Variants in TRIM37 observed in about 807,000 individuals in gnomAD.
TRIM37 encodes the protein E3 ubiquitin-protein ligase TRIM37.
In TRIM37, 80 loss-of-function variants were observed where a neutral mutation model predicts 129.8. That is an observed-to-expected ratio of 0.62 (90% CI 0.51 to 0.74). The LOEUF (loss-of-function observed/expected upper bound fraction) is 0.74. Among genes scored for constraint, TRIM37 ranks in the 30% least tolerant of loss-of-function variants. TRIM37 has a pLI of 0.00. For missense variants in TRIM37, 1,054 were observed against 1,176.5 expected (o/e 0.90, Z 1.52); for synonymous variants, 389 against 387.1 (o/e 1.00, Z -0.06).
At chr17:59,073,681 C>T (rs2042576723) in intron 8 of TRIM37, among the ~76,000 whole-genome samples, 1 of 152,216 alleles carries the variant, frequency 6.6e-6, no homozygotes. Flanking sequence ...CACACTGAAG[C>T]CTTGAATTCC....
At chr17:59,002,829 C>G (rs950375581) in intron 22 of TRIM37, among the ~76,000 whole-genome samples, 1 of 152,000 alleles carries the variant, frequency 6.6e-6, no homozygotes, top group Admixed American at 6.6e-5. Flanking sequence ...AAAATGAACC[C>G]CCCACAGAAA....
chr17:59,084,889 T>C (rs1329755538), intron 4 of TRIM37, among the ~76,000 whole-genome samples: 1 of 152,182 alleles, frequency 6.6e-6, no homozygotes, highest in African/African-American at 2.4e-5. Context: ...AAACCAACAC[T>C]GCTAGCATTT....
chr17:59,061,998 T>C (rs2041534733), intron 11 of TRIM37, among the ~76,000 whole-genome samples: 1 of 151,982 alleles, frequency 6.6e-6, no homozygotes, highest in Admixed American at 6.6e-5. Context: ...GATGATATAT[T>C]ATTGTGTAAT....
intron 16 of TRIM37, among the ~76,000 whole-genome samples, chr17:59,042,449 A>AAAT (rs1555661494): frequency 1.7e-4 from 6 of 36,036 alleles, no homozygotes; most frequent in Admixed American, 8.4e-4. Context: ...AAAAAAAAAA[A>AAAT]ATATATATAT....
intron 22 of TRIM37, among the ~76,000 whole-genome samples, chr17:59,006,236 G>T (rs994011261): frequency 2.0e-5 from 3 of 152,098 alleles, no homozygotes; most frequent in African/African-American, 7.2e-5. Flanking sequence ...AAAGACAAAT[G>T]GCTGGACGTC....
chr17:59,064,250 AAGTG>A, intron 10 of TRIM37, 101 bp downstream of exon 10: 18 of 857,850 alleles, frequency 2.1e-5, no homozygotes, highest in Non-Finnish European at 3.3e-5. Context: ...AAGACTTCTA[AAGTG>A]AGTGACACAG....
intron 11 of TRIM37, among the ~76,000 whole-genome samples, chr17:59,061,831 G>A (rs1359303697): frequency 2.6e-5 from 4 of 151,932 alleles, no homozygotes; most frequent in Non-Finnish European, 5.9e-5. Flanking sequence ...ACTGGGATAT[G>A]ACTACAGAGA....
intron 21 of TRIM37, among the ~76,000 whole-genome samples, chr17:59,013,667 CTT>C (rs1255347845): frequency 6.6e-6 from 1 of 151,938 alleles, no homozygotes; most frequent in Admixed American, 6.6e-5. Context: ...TTTTGAAACA[CTT>C]ATCATTAGTA....
At chr17:59,007,557 T>C (rs1674726552) in intron 22 of TRIM37, among the ~76,000 whole-genome samples, 1 of 152,092 alleles carries the variant, frequency 6.6e-6, no homozygotes, top group African/African-American at 2.4e-5. Context: ...ATGTGCTACT[T>C]CAGCAAGAAG....
Position 59,028,669 on chromosome 17 carries a change from A to T in TRIM37, c.2003T>A (p.Val668Glu). Reference sequence around the variant, plus strand: ...TTTTAGCATCTTTAAATCAGAGGGCACTCGCCACATTGCCTGTTGCTTCCT... The same window carrying T: ...TTTTAGCATCTTTAAATCAGAGGGCTCTCGCCACATTGCCTGTTGCTTCCT... The part of the protein sequence containing the change: ...DQRKQQAMWR[V>E]PSDLKMLKRL... The change falls in exon 19 of 24, where the codon GTG becomes GAG. Residue 668 changes from valine to glutamate, a missense_variant. Coordinates refer to ENST00000262294, the MANE Select transcript of TRIM37 (RefSeq NM_015294.6). 1.2e-6 allele frequency: 2 copies of T among 1,614,188 alleles called. No individual in the cohort carries two copies. The highest frequency in any genetic ancestry group is 1.7e-6 in the Non-Finnish European group (2 of 1,180,028).
intron 6 of TRIM37, 138 bp from the exon 7 acceptor site, chr17:59,080,015 T>G (rs190572117): frequency 1.4e-4 from 131 of 951,150 alleles, no homozygotes; most frequent in Admixed American, 2.6e-4. Context: ...CCAACTTGCT[T>G]ATATTTCAAA....
Position 59,024,279 on chromosome 17 carries a change from A to G in TRIM37, c.2257+4136T>C, listed in dbSNP as rs144619440. On this transcript the variant is annotated intron_variant, in intron 19 of 23. Transcript: ENST00000262294. The stretch of plus-strand genomic sequence containing the variant: ...GAATACAGAATAAACATAAAAATCA[A>G]TATTTTTGTCTTTTATGTCAGTAAC... 3.9e-3 allele frequency among the ~76,000 whole-genome samples: 596 copies of G among 152,070 alleles called. 3 individuals are homozygous for G. Among genetic ancestry groups the G allele is most frequent in the African/African-American group, 0.013 (549 of 41,466 alleles).
chr17:59,083,274 A>G (rs140254741), intron 5 of TRIM37, among the ~76,000 whole-genome samples: 1 of 152,214 alleles, frequency 6.6e-6, no homozygotes, highest in East Asian at 1.9e-4. Flanking sequence ...CGTCTCTACT[A>G]AAAATACAAA....
chr17:58,987,811 C>G (rs1444571430), intron 24 of TRIM37, among the ~76,000 whole-genome samples: 1 of 152,142 alleles, frequency 6.6e-6, no homozygotes, highest in Non-Finnish European at 1.5e-5. Flanking sequence ...AAAAATGGCT[C>G]ATTTTCTGAA....
the TRIM37 span, among the ~76,000 whole-genome samples, chr17:58,973,410 G>T: frequency 8.0e-6 from 1 of 124,834 alleles, no homozygotes; most frequent in Admixed American, 7.7e-5. Context: ...GTGTGAGACT[G>T]TCTCAAAAAA....
At chr17:59,030,099 GT>G (rs1428364928) in intron 18 of TRIM37, among the ~76,000 whole-genome samples, 1 of 151,854 alleles carries the variant, frequency 6.6e-6, no homozygotes, top group East Asian at 1.9e-4. Context: ...AAAAATAACT[GT>G]CTGTATTCCA....
In TRIM37 at chr17:59,057,027, G is replaced by A; in HGVS notation, c.1047C>T (p.His349=). 1.2e-6 allele frequency: 2 copies of A among 1,613,534 alleles called. No individual in the cohort carries two copies. Among genetic ancestry groups the A allele is most frequent in the East Asian group, 2.2e-5 (1 of 44,800 alleles). ...SKYEYRVEMV[H]QSCNDPTKNI... is the part of the protein sequence containing the mutation. ...TTTTTGTAGGATCATTACAGGACTG[G>A]TGAACCATCTCTACACGATATTCAT... The change falls in exon 13 of 24, where the codon CAC becomes CAT. Residue 349 remains histidine (H), a synonymous_variant. Coordinates refer to ENST00000262294, the MANE Select transcript of TRIM37 (RefSeq NM_015294.6).
chr17:59,002,646 G>GA (rs1824558416), intron 22 of TRIM37, among the ~76,000 whole-genome samples: 1 of 152,170 alleles, frequency 6.6e-6, no homozygotes, highest in South Asian at 2.1e-4. Flanking sequence ...CAAATAGCAA[G>GA]ATAAAATATA....
In TRIM37 at chr17:59,087,159, G is replaced by C. The variant is rs561931590; in HGVS notation, c.281+1132C>G. 2.6e-5 allele frequency among the ~76,000 whole-genome samples: 4 copies of C among 152,144 alleles called. No homozygotes were observed. In the East Asian group the frequency reaches 7.7e-4, roughly 29 times the overall value. ...TACCCAGGCTGGAATGCAATGGCAC[G>C]ATCTCGGCTCACTGCAACTTACGCC... is the stretch of plus-strand genomic sequence containing the variant. On this transcript the variant is annotated intron_variant, in intron 4 of 23. Transcript: ENST00000262294.
Sources: gnomAD v4.1 joint callset for allele counts (sites outside exome capture counted in the v4.1 genomes callset) on GRCh38, gnomAD v4.1.1 for gene constraint, MANE v1.5 for transcripts, NCBI Gene and HGNC (gene_info 2026-07-23, HGNC 2026-07-21) for gene names.